OSMR: variants seen among roughly 807,000 people sequenced by gnomAD.
OSMR encodes oncostatin-M-specific receptor subunit beta.
In OSMR, 81 loss-of-function variants were observed where a neutral mutation model predicts 99.9. The ratio of observed to expected loss-of-function variants is 0.81; its 90% CI spans 0.68 to 0.97. The LOEUF is 0.97. Among genes scored for constraint, OSMR ranks in the 50% least tolerant of loss-of-function variants. OSMR has a pLI of 0.00. For synonymous variants in OSMR, 406 were observed against 410.4 expected (o/e 0.99, Z 0.13); for missense variants, 1,099 against 1,153.4 (o/e 0.95, Z 0.68).
At chr5:38,898,862 G>A (rs1375875420) in intron 7 of OSMR, among the ~76,000 whole-genome samples, 1 of 149,462 alleles carries the variant, frequency 6.7e-6, no homozygotes, top group Non-Finnish European at 1.5e-5. Context: ...ACATAATACT[G>A]CTTACATAAA....
At chr5:38,911,551 A>G (rs1227738160) in intron 9 of OSMR, among the ~76,000 whole-genome samples, 1 of 152,204 alleles carries the variant, frequency 6.6e-6, no homozygotes, top group Non-Finnish European at 1.5e-5. Context: ...ACTCCTCCCT[A>G]ACTCATTCTG....
At chr5:38,856,098 G>A (rs1740817333) in intron 1 of OSMR, among the ~76,000 whole-genome samples, 1 of 152,118 alleles carries the variant, frequency 6.6e-6, no homozygotes, top group Non-Finnish European at 1.5e-5. Flanking sequence ...CATCCATCAG[G>A]AAACAGTTGG....
At chr5:38,888,318 G>A (rs1483158245) in intron 7 of OSMR, among the ~76,000 whole-genome samples, 1 of 151,474 alleles carries the variant, frequency 6.6e-6, no homozygotes, top group Non-Finnish European at 1.5e-5. Flanking sequence ...ATGTTGCTAG[G>A]CACATGTTGG....
intron 1 of OSMR, chr5:38,942,892 A>ATGT: frequency 6.2e-7 from 1 of 1,611,054 alleles, no homozygotes; most frequent in Non-Finnish European, 8.5e-7. Context: ...GGAAGTCTGA[A>ATGT]TGTGCAGTGT....
intron 9 of OSMR, among the ~76,000 whole-genome samples, chr5:38,913,009 T>G (rs1357709999): frequency 6.6e-6 from 1 of 152,144 alleles, no homozygotes; most frequent in Admixed American, 6.5e-5. Context: ...TTCTGGACAT[T>G]GGCCTTGGGA....
At chr5:38,852,169 G>T (rs1740422713) in intron 1 of OSMR, among the ~76,000 whole-genome samples, 1 of 152,170 alleles carries the variant, frequency 6.6e-6, no homozygotes, top group East Asian at 1.9e-4. Context: ...TTGTAGAAAT[G>T]CACCATAATT....
chr5:38,876,157 GCTC>G, intron 2 of OSMR, 41 bp from the exon 3 acceptor site: 1 of 1,588,404 alleles, frequency 6.3e-7, no homozygotes. Context: ...CTTCAATCAT[GCTC>G]CTATTAAATA....
intron 3 of OSMR, 103 bp downstream of exon 3, chr5:38,876,476 T>C (rs1742850533): frequency 3.5e-6 from 3 of 857,094 alleles, no homozygotes; most frequent in Non-Finnish European, 5.7e-6. Context: ...GGAAATATAT[T>C]AGCAGCTCAA....
chr5:38,888,907 G>T (rs1743972148), intron 7 of OSMR, among the ~76,000 whole-genome samples: 1 of 151,984 alleles, frequency 6.6e-6, no homozygotes, highest in African/African-American at 2.4e-5. Context: ...GTTTTACTCT[G>T]GTCGTTGTAT....
intron 15 of OSMR, among the ~76,000 whole-genome samples, chr5:38,926,441 C>T (rs907101699): frequency 6.6e-6 from 1 of 152,140 alleles, no homozygotes; most frequent in Non-Finnish European, 1.5e-5. Context: ...GCTGGGGAGG[C>T]CTTAGGAAAT....
At chr5:38,883,560 C>T (rs1743466140) in intron 4 of OSMR, 4 of 288,128 alleles carry the variant, frequency 1.4e-5, no homozygotes, top group African/African-American at 9.1e-5. Flanking sequence ...CAATAGCAAT[C>T]ATGCAATTAT....
intron 4 of OSMR, among the ~76,000 whole-genome samples, chr5:38,883,297 A>G (rs1222568791): frequency 1.3e-5 from 2 of 152,222 alleles, no homozygotes; most frequent in East Asian, 1.9e-4. Context: ...CACTTGAGGG[A>G]CTCGCATTTC....
intron 9 of OSMR, among the ~76,000 whole-genome samples, chr5:38,905,978 A>G (rs1197628810): frequency 6.6e-6 from 1 of 152,210 alleles, no homozygotes; most frequent in Admixed American, 6.5e-5. Flanking sequence ...TCATTAGTCA[A>G]GTTCTGCAGG....
chr5:38,888,392 G>A (rs1743938771), intron 7 of OSMR, among the ~76,000 whole-genome samples: 1 of 131,102 alleles, frequency 7.6e-6, no homozygotes, highest in Non-Finnish European at 1.6e-5. Flanking sequence ...CTAATGGCCA[G>A]CATTTGCACA....
chr5:38,899,443 A>G (rs1191646734), intron 7 of OSMR, among the ~76,000 whole-genome samples: 1 of 152,098 alleles, frequency 6.6e-6, no homozygotes, highest in African/African-American at 2.4e-5. Flanking sequence ...GTTAGTACCT[A>G]AGGTGCAAGA....
intron 9 of OSMR, among the ~76,000 whole-genome samples, chr5:38,916,098 A>T (rs1024979311): frequency 4.6e-5 from 7 of 152,238 alleles, no homozygotes; most frequent in African/African-American, 1.7e-4. Context: ...TTCTATGTGG[A>T]ATACAGAGTA....
At chr5:38,858,929 A>G (rs1741068958) in intron 1 of OSMR, among the ~76,000 whole-genome samples, 1 of 152,082 alleles carries the variant, frequency 6.6e-6, no homozygotes, top group Non-Finnish European at 1.5e-5. Flanking sequence ...TCTATTTGGA[A>G]CATATGTCCA....
chr5:38,926,891 CAAGT>C (rs1466249640), intron 15 of OSMR, among the ~76,000 whole-genome samples: 1 of 152,128 alleles, frequency 6.6e-6, no homozygotes, highest in Non-Finnish European at 1.5e-5. Context: ...AAATTTAAAG[CAAGT>C]TAGTTGTTTC....
chr5:38,906,728 A>T (rs1026296957), intron 9 of OSMR, among the ~76,000 whole-genome samples: 1 of 152,146 alleles, frequency 6.6e-6, no homozygotes, highest in African/African-American at 2.4e-5. Context: ...TAAAATAAAA[A>T]ACTTAAATGT....
Sources: allele counts gnomAD v4.1 joint callset (sites outside exome capture counted in the v4.1 genomes callset), GRCh38; gene constraint gnomAD v4.1.1; transcripts MANE v1.5; gene names NCBI Gene and HGNC (gene_info 2026-07-23, HGNC 2026-07-21).